Variants in FGFRL1 observed in about 807,000 individuals in gnomAD.
FGFRL1 encodes the protein fibroblast growth factor receptor like 1.
FGFRL1 carries 24 observed loss-of-function variants against 36.8 expected under a neutral mutation model. That is an observed-to-expected ratio of 0.65 (90% CI 0.47 to 0.92). The LOEUF (loss-of-function observed/expected upper bound fraction) is 0.92, where lower values mean the gene tolerates loss of function less well. Among genes scored for constraint, FGFRL1 ranks in the 40% least tolerant of loss-of-function variants. The pLI, the probability that FGFRL1 is intolerant of heterozygous loss-of-function variation, is 0.00. For missense variants in FGFRL1, 785 were observed against 753.4 expected (o/e 1.04, Z -0.49); for synonymous variants, 422 against 344.1 (o/e 1.23, Z -2.50).
chr4:1,018,007 C>T (rs1379473812), intron 2 of FGFRL1, among the ~76,000 whole-genome samples: 1 of 152,202 alleles, frequency 6.6e-6, no homozygotes, highest in African/African-American at 2.4e-5. Flanking sequence ...CAGGACGGGC[C>T]CTTCCAGAAG....
intron 2 of FGFRL1, among the ~76,000 whole-genome samples, chr4:1,016,542 G>A (rs1375296460): frequency 6.6e-6 from 1 of 152,144 alleles, no homozygotes; most frequent in Non-Finnish European, 1.5e-5. Context: ...GGCTGGGGTT[G>A]CAGAAGGTTC....
chr4:1,020,064 C>T (rs1398746876), intron 2 of FGFRL1, among the ~76,000 whole-genome samples: 1 of 152,240 alleles, frequency 6.6e-6, no homozygotes, highest in Non-Finnish European at 1.5e-5. Context: ...TAGGGATTCT[C>T]TGTGAGGGTC....
chr4:1,023,855 C>T lies in FGFRL1; in HGVS notation c.472C>T (p.Arg158Trp), dbSNP rs760707374. Reference sequence around the variant, plus strand: ...CACACAGCCCTCCAAGATGAGGCGCCGGGTGATCGCACGGCCCGTGGGTAG... The same window carrying T: ...CACACAGCCCTCCAAGATGAGGCGCTGGGTGATCGCACGGCCCGTGGGTAG... ...RFTQPSKMRR[R>W]VIARPVGSSV... The change falls in exon 5 of 7, where the codon CGG becomes TGG. Residue 158 changes from arginine to tryptophan, a missense_variant. Coordinates refer to ENST00000510644, the MANE Select transcript of FGFRL1 (RefSeq NM_001004356.3). This position sits in a 1 kb window ranked among gnomAD's most constrained non-coding sequence, Gnocchi z 6.0. The T allele has an allele frequency of 5.7e-6, 9 of 1,579,202 alleles. No individual in the cohort carries two copies. The highest frequency in any genetic ancestry group is 1.7e-5 in the Admixed American group (1 of 57,942).
chr4:1,019,048 C>T (rs1716039215), intron 2 of FGFRL1, among the ~76,000 whole-genome samples: 1 of 152,220 alleles, frequency 6.6e-6, no homozygotes, highest in South Asian at 2.1e-4. Context: ...TTGTCTCTGC[C>T]CCCTTTCTCA....
At chr4:1,019,876 A>T (rs1716081217) in intron 2 of FGFRL1, among the ~76,000 whole-genome samples, 1 of 152,170 alleles carries the variant, frequency 6.6e-6, no homozygotes, top group Non-Finnish European at 1.5e-5. Flanking sequence ...CAGGGCTGAG[A>T]AGAATCCCTC....
chr4:1,018,024 TGGAGCCCCCGA>T (rs1440686965), intron 2 of FGFRL1, among the ~76,000 whole-genome samples: 1 of 152,188 alleles, frequency 6.6e-6, no homozygotes, highest in Non-Finnish European at 1.5e-5. Flanking sequence ...GAAGAGATAT[TGGAGCCCCCGA>T]GGAGCTACGG....
Position 1,025,011 on chromosome 4 carries a change from C to A in FGFRL1, c.1179C>A (p.Thr393=). 6.2e-7 allele frequency: 1 copy of A among 1,611,130 alleles called. No individual in the cohort carries two copies. Among genetic ancestry groups the A allele is most frequent in the East Asian group, 2.2e-5 (1 of 44,862 alleles). The change falls in exon 7 of 7, where the codon ACC becomes ACA. Residue 393 remains threonine (T), a synonymous_variant. Coordinates refer to ENST00000510644, the MANE Select transcript of FGFRL1 (RefSeq NM_001004356.3). ...CCGGCGCTGTCTTCATCCTGGGCAC[C>A]CTGCTCCTGTGGCTTTGCCAGGCCC... ...IPAGAVFILG[T]LLLWLCQAQK...
At chr4:1,024,162 CG>C in intron 5 of FGFRL1, 61 bp downstream of exon 5, 2 of 269,898 alleles carry the variant, frequency 7.4e-6, no homozygotes, top group Non-Finnish European at 1.2e-5. Context: ...CGCTGGCGGG[CG>C]GGGGTGCTGG....
intron 2 of FGFRL1, among the ~76,000 whole-genome samples, chr4:1,017,536 C>G (rs935872819): frequency 1.3e-5 from 2 of 152,220 alleles, no homozygotes; most frequent in Non-Finnish European, 2.9e-5. Context: ...GTCAGGAGTC[C>G]CGTCCGACCT....
chr4:1,021,597 C>G (rs1189583191), intron 2 of FGFRL1, among the ~76,000 whole-genome samples: 1 of 152,172 alleles, frequency 6.6e-6, no homozygotes, highest in Non-Finnish European at 1.5e-5. Context: ...GACTCTCATC[C>G]ACACATTGCA....
Position 1,022,249 on chromosome 4 carries a change from G to A in FGFRL1, c.126G>A (p.Arg42=). 6.4e-7 allele frequency: 1 copy of A among 1,554,464 alleles called. No homozygotes were observed. Among genetic ancestry groups the A allele is most frequent in the Non-Finnish European group, 8.7e-7 (1 of 1,147,644 alleles). ...ADKVVPRQVA[R]LGRTVRLQCP... ...AGGTGGTCCCACGGCAGGTGGCCCG[G>A]CTGGGCCGCACTGTGCGGCTGCAGT... Residue 42 remains arginine, a synonymous_variant, in exon 3 of 7, where the codon CGG becomes CGA. Coordinates refer to ENST00000510644, the MANE Select transcript of FGFRL1 (RefSeq NM_001004356.3).
At chr4:1,011,274 G>C (rs1162739653), upstream of FGFRL1, 1 of 152,230 alleles carries the variant, frequency 6.6e-6, no homozygotes. Flanking sequence ...TTGAGGACCC[G>C]ACCCGGGCGC....
intron 2 of FGFRL1, among the ~76,000 whole-genome samples, chr4:1,014,520 G>C (rs1216312491): frequency 6.6e-6 from 1 of 152,226 alleles, no homozygotes; most frequent in African/African-American, 2.4e-5. Context: ...GCTGCGGTGG[G>C]CAAGCTGAGC....
chr4:1,022,017 G>A (rs1199842484), intron 2 of FGFRL1, among the ~76,000 whole-genome samples, 186 bp from the exon 3 acceptor site: 1 of 152,232 alleles, frequency 6.6e-6, no homozygotes, highest in African/African-American at 2.4e-5. Flanking sequence ...GGGCTTTGGT[G>A]CATGTGGGCA....
In FGFRL1 at chr4:1,025,552, G is replaced by T; in HGVS notation, c.*205G>T. 1.5e-6 allele frequency: 1 copy of T among 651,814 alleles called. No homozygotes were observed. The highest frequency in any genetic ancestry group is 2.6e-6 in the Non-Finnish European group (1 of 386,436). The allele number at this position is 651,814 out of a possible 1,614,324, so 40.4% of individuals were successfully genotyped here. The stretch of plus-strand genomic sequence containing the variant: ...TGGATGCATGTATGCACACACATGC[G>T]CGCACACGTGCTCCCTGAAGGCACA... On this transcript the variant is annotated 3_prime_UTR_variant, in exon 7 of 7. Transcript: ENST00000510644.
At position 1,022,183 on chromosome 4, in the gene FGFRL1, T is replaced by C. The variant is rs754469743; in HGVS notation, c.80-20T>C. 8.7e-6 allele frequency: 13 copies of C among 1,495,920 alleles called. No individual in the cohort carries two copies. The East Asian group carries it at 2.7e-4, about 31-fold the overall frequency. The allele number at this position is 1,495,920 out of a possible 1,614,324, so 92.7% of individuals were successfully genotyped here. A position where few individuals can be genotyped will look rare whatever the true frequency, so the allele number is the denominator to read the frequency against. On this transcript the variant is annotated intron_variant, in intron 2 of 6. Coordinates refer to ENST00000510644, the MANE Select transcript of FGFRL1 (RefSeq NM_001004356.3). ...ACCCCAAGCCCCTCCTCGCTGACTG[T>C]TCCTCGGTCCCACCCGCAGGCCCCC...
chr4:1,012,671 C>T (rs1422804508), intron 2 of FGFRL1, 107 bp downstream of exon 2: 11 of 443,576 alleles, frequency 2.5e-5, no homozygotes, highest in African/African-American at 2.1e-5. Flanking sequence ...CGCCATGCCC[C>T]GCCCCTGCCG....
chr4:1,023,053 A>C lies in FGFRL1; in HGVS notation c.352+578A>C, dbSNP rs930518903. Among the ~76,000 whole-genome samples, 4 of 150,862 alleles carry C rather than the reference A, an allele frequency of 2.7e-5. No homozygotes were observed. ...AATTCTACTTTAAGTTTTAGGGTAC[A>C]TGTGCCCGTTTTCTGAATACAGGAG... is the stretch of plus-strand genomic sequence containing the variant. On this transcript the variant is annotated intron_variant, in intron 3 of 6. Transcript: ENST00000510644. The surrounding 1 kb of genome is among the most constrained non-coding windows in gnomAD (Gnocchi z 6.0).
chr4:1,022,002 GC>G (rs1166978700), intron 2 of FGFRL1, among the ~76,000 whole-genome samples, 200 bp from the exon 3 acceptor site: 1 of 152,236 alleles, frequency 6.6e-6, no homozygotes, highest in African/African-American at 2.4e-5. Flanking sequence ...CTGGGCCAGT[GC>G]TCAGGGCTTT....
Sources: gnomAD v4.1 joint callset for allele counts (sites outside exome capture counted in the v4.1 genomes callset) on GRCh38, gnomAD v4.1.1 for gene constraint, Gnocchi (gnomAD v3.1) non-coding constraint, MANE v1.5 for transcripts, NCBI Gene and HGNC (gene_info 2026-07-23, HGNC 2026-07-21) for gene names.